C7orf78: variants seen among roughly 807,000 people sequenced by gnomAD.
C7orf78 encodes chromosome 7 open reading frame 78.
chr7:12,513,090 A>AT, the C7orf78 span, among the ~76,000 whole-genome samples: 1 of 151,514 alleles, frequency 6.6e-6, no homozygotes, highest in African/African-American at 2.4e-5. Context: ...TGGTTCATCG[A>AT]TTTTATCTAT....
the C7orf78 span, among the ~76,000 whole-genome samples, chr7:12,518,123 C>A: frequency 2.6e-5 from 4 of 152,110 alleles, no homozygotes; most frequent in Non-Finnish European, 5.9e-5. Flanking sequence ...TATATGATTT[C>A]TTTGCCTACA....
chr7:12,532,548 C>CAA, the C7orf78 span, among the ~76,000 whole-genome samples: 199 of 135,930 alleles, frequency 1.5e-3, no homozygotes, highest in Middle Eastern at 4.2e-3. Context: ...GACTCTGTTT[C>CAA]AAAAAAAAAA....
chr7:12,533,254 G>A, the C7orf78 span, among the ~76,000 whole-genome samples: 946 of 152,264 alleles, frequency 6.2e-3, 10 homozygotes, highest in Middle Eastern at 0.01. Flanking sequence ...AGGCTGGAGT[G>A]CAGTGGTGTG....
chr7:12,532,837 A>T, the C7orf78 span, among the ~76,000 whole-genome samples: 1 of 152,216 alleles, frequency 6.6e-6, no homozygotes, highest in South Asian at 2.1e-4. Flanking sequence ...TCTATGAGGG[A>T]GTACACAGAG....
At chr7:12,506,560 A>C in the C7orf78 span, among the ~76,000 whole-genome samples, 7 of 152,104 alleles carry the variant, frequency 4.6e-5, no homozygotes, top group Non-Finnish European at 8.8e-5. Flanking sequence ...CAGTCACTGC[A>C]TGTTCTCACT....
the C7orf78 span, among the ~76,000 whole-genome samples, chr7:12,494,494 G>A: frequency 6.6e-6 from 1 of 152,156 alleles, no homozygotes; most frequent in Non-Finnish European, 1.5e-5. Flanking sequence ...AAATTAACAA[G>A]CAAGCTCTGA....
chr7:12,508,777 C>A, the C7orf78 span, among the ~76,000 whole-genome samples: 1 of 152,162 alleles, frequency 6.6e-6, no homozygotes, highest in Non-Finnish European at 1.5e-5. Context: ...TGCTTCCTGT[C>A]AGATCAGTGG....
At chr7:12,517,345 C>G in the C7orf78 span, among the ~76,000 whole-genome samples, 2 of 152,030 alleles carry the variant, frequency 1.3e-5, no homozygotes, top group African/African-American at 2.4e-5. Flanking sequence ...ACTGTAAGTC[C>G]AATTAAACCT....
At chr7:12,515,082 G>A in the C7orf78 span, among the ~76,000 whole-genome samples, 1 of 152,082 alleles carries the variant, frequency 6.6e-6, no homozygotes, top group African/African-American at 2.4e-5. Flanking sequence ...ACAATGTGCT[G>A]TCTCCATTTG....
the C7orf78 span, among the ~76,000 whole-genome samples, chr7:12,513,871 G>A: frequency 7.9e-5 from 12 of 152,048 alleles, no homozygotes; most frequent in Non-Finnish European, 1.2e-4. Flanking sequence ...GTGGTGGTGG[G>A]TGCCTGTAGT....
chr7:12,502,911 T>G, the C7orf78 span, among the ~76,000 whole-genome samples: 1 of 150,704 alleles, frequency 6.6e-6, no homozygotes, highest in East Asian at 1.9e-4. Flanking sequence ...CCATAAAAAA[T>G]GATGAGTTCA....
the C7orf78 span, among the ~76,000 whole-genome samples, chr7:12,518,670 G>A: frequency 1.9e-4 from 29 of 152,156 alleles, no homozygotes; most frequent in Non-Finnish European, 2.8e-4. Flanking sequence ...GTCCTTGGGT[G>A]GTGTGCTCAG....
the C7orf78 span, among the ~76,000 whole-genome samples, chr7:12,513,978 C>T: frequency 5.9e-5 from 9 of 151,820 alleles, no homozygotes; most frequent in Non-Finnish European, 5.9e-5. Context: ...CCAGCCTGGG[C>T]AACAGAGCGA....
the C7orf78 span, among the ~76,000 whole-genome samples, chr7:12,505,439 C>T: frequency 2.6e-5 from 4 of 152,038 alleles, no homozygotes; most frequent in South Asian, 2.1e-4. Context: ...AAGATTTGAA[C>T]TCCATTGTTG....
chr7:12,491,702 ATC>A, the C7orf78 span: 1 of 152,222 alleles, frequency 6.6e-6, no homozygotes, highest in African/African-American at 2.4e-5. Flanking sequence ...TATGTTACTC[ATC>A]TCTCTTTACA....
the C7orf78 span, among the ~76,000 whole-genome samples, chr7:12,521,747 T>C: frequency 1.0e-3 from 155 of 151,138 alleles, no homozygotes; most frequent in East Asian, 0.014. Context: ...TTGCTAACCA[T>C]TTTCCTGTTC....
chr7:12,537,938 C>A, the C7orf78 span, among the ~76,000 whole-genome samples: 1 of 151,984 alleles, frequency 6.6e-6, no homozygotes. Flanking sequence ...GTATATACTG[C>A]ATTATTATTC....
the C7orf78 span, among the ~76,000 whole-genome samples, chr7:12,519,794 C>T: frequency 0.49 from 75,133 of 152,020 alleles, 18,797 homozygotes; most frequent in Admixed American, 0.57. Context: ...GCTGTGCCTC[C>T]GTAGCCCTCT....
At chr7:12,489,210 C>T in the C7orf78 span, among the ~76,000 whole-genome samples, 1 of 152,044 alleles carries the variant, frequency 6.6e-6, no homozygotes, top group African/African-American at 2.4e-5. Context: ...GTATACATTT[C>T]AAGATTTTTA....
Sources: allele counts gnomAD v4.1 joint callset (sites outside exome capture counted in the v4.1 genomes callset), GRCh38; gene constraint gnomAD v4.1.1; transcripts MANE v1.5; gene names NCBI Gene and HGNC (gene_info 2026-07-23, HGNC 2026-07-21).